RIOK2: variants seen among roughly 807,000 people sequenced by gnomAD.
RIOK2 encodes RIO kinase 2.
RIOK2 carries 46 observed loss-of-function variants against 62.4 expected under a neutral mutation model. The observed-to-expected ratio is 0.74, with a 90% CI of 0.58 to 0.94. RIOK2 has a LOEUF of 0.94. Ranked by LOEUF, RIOK2 falls within the 40% of genes least tolerant of loss-of-function variation. The pLI is 0.00. For synonymous variants in RIOK2, 197 were observed against 216.0 expected (o/e 0.91, Z 0.77); for missense variants, 574 against 658.0 (o/e 0.87, Z 1.40).
At chr5:97,168,974 G>A (rs1021142128) in intron 6 of RIOK2, 122 bp from the exon 7 acceptor site, 2 of 522,908 alleles carry the variant, frequency 3.8e-6, no homozygotes, top group Non-Finnish European at 6.6e-6. Context: ...GATAAAAGAT[G>A]TTACACAAAA....
At chr5:97,163,357 C>T in intron 9 of RIOK2, 132 bp from the exon 10 acceptor site, 1 of 727,162 alleles carries the variant, frequency 1.4e-6, no homozygotes, top group Non-Finnish European at 2.3e-6. Context: ...TATATAGAAA[C>T]TGTTATATAG....
At chr5:97,168,068 T>C (rs1748897405) in intron 7 of RIOK2, 77 bp from the exon 8 acceptor site, 3 of 1,383,298 alleles carry the variant, frequency 2.2e-6, no homozygotes, top group African/African-American at 1.4e-5. Flanking sequence ...ACTACTCTGA[T>C]AAATTATGAT....
chr5:97,171,430 T>C (rs905265413), intron 5 of RIOK2, 33 bp from the exon 6 acceptor site: 1 of 1,427,530 alleles, frequency 7.0e-7, no homozygotes, highest in East Asian at 2.5e-5. Context: ...AATAGGTTAC[T>C]TGTGTTCATT....
At chr5:97,182,224 G>A (rs949601191) in intron 1 of RIOK2, among the ~76,000 whole-genome samples, 1 of 152,126 alleles carries the variant, frequency 6.6e-6, no homozygotes, top group African/African-American at 2.4e-5. Context: ...ACATTTAGTG[G>A]TTACCCCCAC....
At chr5:97,174,149 A>T (rs316195) in intron 4 of RIOK2, among the ~76,000 whole-genome samples, 107,742 of 152,148 alleles carry the variant, frequency 0.71, 38,420 homozygotes, top group African/African-American at 0.78. Flanking sequence ...ATGGGCATGG[A>T]GTCTCACGTC....
intron 1 of RIOK2, among the ~76,000 whole-genome samples, chr5:97,179,547 A>T (rs1749277536): frequency 6.6e-6 from 1 of 152,018 alleles, no homozygotes; most frequent in Admixed American, 6.6e-5. Context: ...ACATGTAGGC[A>T]TCGTAGAGGA....
intron 2 of RIOK2, among the ~76,000 whole-genome samples, chr5:97,178,498 GCTCTACCTGCTCTTCTGCAGTA>G (rs1561521054): frequency 7.4e-6 from 1 of 135,420 alleles, no homozygotes; most frequent in Non-Finnish European, 1.6e-5. Flanking sequence ...CTTCTGCAGT[GCTCTACCTGCTCTTCTGCAGTA>G]CTCTACCTGC....
At chr5:97,166,424 A>C (rs1476764116) in intron 8 of RIOK2, 2 of 398,104 alleles carry the variant, frequency 5.0e-6, no homozygotes, top group Non-Finnish European at 5.0e-6. Context: ...ATAAAACTTT[A>C]AAGATAAAGG....
At chr5:97,173,615 C>A (rs1749077902) in intron 4 of RIOK2, among the ~76,000 whole-genome samples, 1 of 152,114 alleles carries the variant, frequency 6.6e-6, no homozygotes, top group Non-Finnish European at 1.5e-5. Flanking sequence ...TAGGGTATAT[C>A]CTTTCCTATT....
At chr5:97,175,402 C>G (rs537524564) in intron 4 of RIOK2, among the ~76,000 whole-genome samples, 31 of 152,310 alleles carry the variant, frequency 2.0e-4, no homozygotes, top group Admixed American at 6.5e-5. Flanking sequence ...CATGCTATAG[C>G]CCAATCTTTA....
intron 9 of RIOK2, among the ~76,000 whole-genome samples, chr5:97,163,838 A>C (rs1748769092): frequency 6.6e-6 from 1 of 152,100 alleles, no homozygotes; most frequent in South Asian, 2.1e-4. Flanking sequence ...TGTATCATTC[A>C]ACTTTTCTCC....
intron 2 of RIOK2, chr5:97,178,688 CTCTACCTG>C: frequency 3.7e-6 from 1 of 270,360 alleles, no homozygotes; most frequent in Non-Finnish European, 6.6e-6. Context: ...TTCTGCAGTA[CTCTACCTG>C]CTCTTCTGCA....
At chr5:97,174,337 G>GAACCCTCGCT (rs1749103798) in intron 4 of RIOK2, among the ~76,000 whole-genome samples, 1 of 152,078 alleles carries the variant, frequency 6.6e-6, no homozygotes, top group African/African-American at 2.4e-5. Context: ...GGAGAATCGC[G>GAACCCTCGCT]TGAACCCGGG....
intron 4 of RIOK2, among the ~76,000 whole-genome samples, chr5:97,174,097 C>T (rs997370385): frequency 6.6e-6 from 1 of 152,164 alleles, no homozygotes; most frequent in Non-Finnish European, 1.5e-5. Context: ...ACCAGACTAA[C>T]CTGCTGATGT....
At chr5:97,173,686 G>A (rs898487284) in intron 4 of RIOK2, among the ~76,000 whole-genome samples, 4 of 152,138 alleles carry the variant, frequency 2.6e-5, no homozygotes, top group Admixed American at 1.3e-4. Context: ...AACAAATTTA[G>A]GAAATACTCA....
chr5:97,183,054 A>G, intron 1 of RIOK2, 72 bp downstream of exon 1: 1 of 1,535,112 alleles, frequency 6.5e-7, no homozygotes, highest in Non-Finnish European at 9.0e-7. Context: ...CAGATCCCAG[A>G]AAACTTGCAG....
At chr5:97,182,781 G>GA (rs1416503835) in intron 1 of RIOK2, 1 of 148,270 alleles carries the variant, frequency 6.7e-6, no homozygotes, top group South Asian at 8.5e-5. Flanking sequence ...CAAATCTCGG[G>GA]GGGGGGGGGG....
chr5:97,172,315 C>G (rs1364499582), intron 5 of RIOK2, among the ~76,000 whole-genome samples: 1 of 152,140 alleles, frequency 6.6e-6, no homozygotes, highest in Non-Finnish European at 1.5e-5. Context: ...AAATGCTGTT[C>G]CTGTAGCTTT....
rs767593628 is a variant in RIOK2, at chr5:97,179,157, C to T, written c.103G>A (p.Gly35Ser). ...CTGGCTATAGAAGCAATCAAACTGC[C>T]GGGAACAATTTCATGGTTCTTCATG... ...MGMKNHEIVP[G>S]SLIASIASLK... The change falls in exon 2 of 10, where the codon GGC (glycine) becomes AGC (serine). Residue 35 changes from glycine (G) to serine (S), a missense_variant. By Grantham distance (56) the Gly-to-Ser change is moderately conservative. Transcript: ENST00000283109. The T allele has an allele frequency of 9.3e-6, 15 of 1,613,622 alleles. No individual in the cohort carries two copies. Among genetic ancestry groups the T allele is most frequent in the Admixed American group, 6.7e-5 (4 of 59,974 alleles).
Sources: gnomAD v4.1 joint callset for allele counts (sites outside exome capture counted in the v4.1 genomes callset) on GRCh38, gnomAD v4.1.1 for gene constraint, MANE v1.5 for transcripts, NCBI Gene and HGNC (gene_info 2026-07-23, HGNC 2026-07-21) for gene names.